The following NFE2L3 variants were observed in gnomAD, a reference collection of about 807,000 sequenced individuals.
NFE2L3 encodes the protein nuclear factor erythroid 2-related factor 3.
NFE2L3 carries 18 observed loss-of-function variants against 23.5 expected under a neutral mutation model. The ratio of observed to expected loss-of-function variants is 0.77; its 90% CI spans 0.53 to 1.13. The LOEUF (loss-of-function observed/expected upper bound fraction) is 1.13, where lower values mean the gene tolerates loss of function less well. Ranked by LOEUF, NFE2L3 falls within the 50% of genes most tolerant of loss-of-function variation. The pLI, the probability that NFE2L3 is intolerant of heterozygous loss-of-function variation, is 0.00. For synonymous variants in NFE2L3, 424 were observed against 354.5 expected (o/e 1.20, Z -2.20); for missense variants, 1,152 against 877.2 (o/e 1.31, Z -3.96).
chr7:26,153,704 T>TG (rs1206752983), intron 1 of NFE2L3, among the ~76,000 whole-genome samples: 1 of 152,220 alleles, frequency 6.6e-6, no homozygotes, highest in Non-Finnish European at 1.5e-5. Context: ...ACAGGTACCT[T>TG]GGCAGTCACT....
intron 1 of NFE2L3, among the ~76,000 whole-genome samples, chr7:26,164,794 TA>T (rs1443554056): frequency 2.6e-5 from 4 of 152,252 alleles, no homozygotes; most frequent in African/African-American, 9.6e-5. Context: ...GTTTTAGGTC[TA>T]ACATTTAAGT....
At chr7:26,166,371 T>G (rs1447415653) in intron 1 of NFE2L3, among the ~76,000 whole-genome samples, 3 of 152,126 alleles carry the variant, frequency 2.0e-5, no homozygotes, top group African/African-American at 7.2e-5. Flanking sequence ...CTTCCCCTGG[T>G]GAACCCAGCT....
intron 1 of NFE2L3, among the ~76,000 whole-genome samples, chr7:26,169,637 C>A (rs527874170): frequency 6.6e-6 from 1 of 152,326 alleles, no homozygotes; most frequent in South Asian, 2.1e-4. Context: ...TTATCACTTA[C>A]AATGCTTGTT....
At chr7:26,153,282 C>T (rs187799581) in intron 1 of NFE2L3, among the ~76,000 whole-genome samples, 2 of 152,314 alleles carry the variant, frequency 1.3e-5, no homozygotes, top group African/African-American at 4.8e-5. Context: ...AAGAAGTGGA[C>T]GAAATCATCC....
At chr7:26,183,831 G>T in intron 3 of NFE2L3, 47 bp downstream of exon 3, 1 of 1,224,278 alleles carries the variant, frequency 8.2e-7, no homozygotes. Flanking sequence ...TATCTGCACT[G>T]ACCTTTTGGT....
Position 26,152,565 on chromosome 7 carries a change from T to C in NFE2L3, c.67T>C (p.Leu23=). The change falls in exon 1 of 4, where the codon TTG becomes CTG. Residue 23 remains leucine, a synonymous_variant. Transcript: ENST00000056233. The surrounding 1 kb of genome is among the most constrained non-coding windows in gnomAD (Gnocchi z 4.4). ...CCTGCACCTCACCCTCCTGCTGAGC[T>C]TGGCGGGGCTCCGCGTAGACCTAGA... ...GLLHLTLLLS[L]AGLRVDLDLY... is the part of the protein sequence containing the mutation. 1 of 1,529,658 alleles carries C rather than the reference T, an allele frequency of 6.5e-7. No individual in the cohort carries two copies. The highest frequency in any genetic ancestry group is 8.7e-7 in the Non-Finnish European group (1 of 1,147,452). 94.8% of individuals were successfully genotyped at this position (1,529,658 alleles called of 1,614,324 possible).
intron 2 of NFE2L3, among the ~76,000 whole-genome samples, chr7:26,179,499 CAAAAA>C (rs201128349): frequency 2.1e-5 from 2 of 96,624 alleles, no homozygotes; most frequent in Non-Finnish European, 4.3e-5. Context: ...GACCCTGTCT[CAAAAA>C]AAAAAAAAAA....
chr7:26,153,206 T>C, intron 1 of NFE2L3, 138 bp downstream of exon 1: 2 of 835,216 alleles, frequency 2.4e-6, no homozygotes, highest in Non-Finnish European at 1.7e-6. Flanking sequence ...GGTTCGCAGA[T>C]GCTGCTGCTC....
chr7:26,185,059 A>G lies in NFE2L3; in HGVS notation c.1361A>G (p.Glu454Gly), dbSNP rs555426023. The change falls in exon 4 of 4, where the codon GAA becomes GGA. Residue 454 changes from glutamate (E) to glycine (G), a missense_variant. Physicochemically the swap from Glu to Gly is moderately conservative, Grantham distance 98. Transcript: ENST00000056233. ...GCTATAGGTTATTGCACTGACCATG[A>G]ATCTAGTTCCCATCATGACTTAGAA... is the stretch of plus-strand genomic sequence containing the variant. ...EGAIGYCTDH[E>G]SSSHHDLEGA... 2.4e-5 allele frequency: 38 copies of G among 1,613,756 alleles called. No individual in the cohort carries two copies. The South Asian group carries it at 4.1e-4, about 17-fold the overall frequency.
At chr7:26,171,821 C>T (rs912577011) in intron 1 of NFE2L3, among the ~76,000 whole-genome samples, 1 of 152,052 alleles carries the variant, frequency 6.6e-6, no homozygotes, top group African/African-American at 2.4e-5. Flanking sequence ...GTTTGACTAG[C>T]CTGGGCAACA....
At chr7:26,178,804 G>A (rs995289876) in intron 2 of NFE2L3, among the ~76,000 whole-genome samples, 1 of 152,120 alleles carries the variant, frequency 6.6e-6, no homozygotes, top group Non-Finnish European at 1.5e-5. Flanking sequence ...TGGCAAACAG[G>A]CACTCGAGAT....
chr7:26,160,003 G>T (rs1055067591), intron 1 of NFE2L3, among the ~76,000 whole-genome samples: 19 of 148,472 alleles, frequency 1.3e-4, no homozygotes, highest in African/African-American at 4.8e-4. Context: ...ACCCAGGCTG[G>T]AGTGCAGTGG....
At chr7:26,184,251 GCAAAT>G in intron 3 of NFE2L3, 2 of 389,806 alleles carry the variant, frequency 5.1e-6, no homozygotes, top group South Asian at 7.5e-5. Flanking sequence ...TTATAAAGTA[GCAAAT>G]TACAAGATTG....
At chr7:26,175,694 G>C (rs986685425) in intron 1 of NFE2L3, among the ~76,000 whole-genome samples, 1 of 151,500 alleles carries the variant, frequency 6.6e-6, no homozygotes, top group African/African-American at 2.4e-5. Flanking sequence ...CAGGAGAATG[G>C]CGTGAACCCG....
At chr7:26,183,914 GCTTAGAATTAAC>G (rs1782401525) in intron 3 of NFE2L3, 130 bp downstream of exon 3, 1 of 648,628 alleles carries the variant, frequency 1.5e-6, no homozygotes, top group African/African-American at 1.9e-5. Context: ...AAGCACTTCA[GCTTAGAATTAAC>G]CAAATATGTA....
chr7:26,178,164 AATGTAG>A (rs757502494), intron 2 of NFE2L3, 42 bp downstream of exon 2: 24 of 1,565,572 alleles, frequency 1.5e-5, no homozygotes, highest in Non-Finnish European at 1.6e-5. Context: ...TTTTGGTTTT[AATGTAG>A]ATTTTGTGGC....
In NFE2L3 at chr7:26,184,748, C is replaced by T. The variant is rs747494075; in HGVS notation, c.1050C>T (p.Thr350=). Residue 350 remains threonine (T), a synonymous_variant, in exon 4 of 4, where the codon ACC becomes ACT. Coordinates refer to ENST00000056233, the MANE Select transcript of NFE2L3 (RefSeq NM_004289.7). ...TTCTGCAGTTAAATTCTCATACCACCAATCCTGAGCAAACCCTTCCTGGAA... is the reference window on the plus strand; with the variant it reads ...TTCTGCAGTTAAATTCTCATACCACTAATCCTGAGCAAACCCTTCCTGGAA... The part of the protein sequence containing the change: ...EPFLQLNSHT[T]NPEQTLPGTN... The T allele has an allele frequency of 2.4e-5, 39 of 1,613,776 alleles. No individual in the cohort carries two copies. The highest frequency in any genetic ancestry group is 3.0e-5 in the Non-Finnish European group (35 of 1,179,838).
At chr7:26,166,235 G>A (rs951729736) in intron 1 of NFE2L3, among the ~76,000 whole-genome samples, 1 of 152,112 alleles carries the variant, frequency 6.6e-6, no homozygotes, top group Non-Finnish European at 1.5e-5. Flanking sequence ...ACGTTGGAGT[G>A]CCCAGAGGCT....
At chr7:26,166,458 C>T (rs1784253807) in intron 1 of NFE2L3, among the ~76,000 whole-genome samples, 1 of 152,196 alleles carries the variant, frequency 6.6e-6, no homozygotes, top group Non-Finnish European at 1.5e-5. Context: ...AGAACCAGTA[C>T]TGTGGCCAAG....
Sources: gnomAD v4.1 joint callset for allele counts (sites outside exome capture counted in the v4.1 genomes callset) on GRCh38, gnomAD v4.1.1 for gene constraint, Gnocchi (gnomAD v3.1) non-coding constraint, MANE v1.5 for transcripts, NCBI Gene and HGNC (gene_info 2026-07-23, HGNC 2026-07-21) for gene names.